The following AKAP13 variants were observed in gnomAD, a reference collection of about 807,000 sequenced individuals.
AKAP13 encodes A-kinase anchor protein 13.
AKAP13 carries 80 observed loss-of-function variants against 264.5 expected under a neutral mutation model. The observed-to-expected ratio is 0.30, with a 90% confidence interval of 0.25 to 0.36. AKAP13 has a LOEUF of 0.36. AKAP13 is among the 10% of genes least tolerant of loss of function. The pLI is 1.00. For missense variants in AKAP13, 3,712 were observed against 3,435.2 expected (o/e 1.08, Z -2.01); for synonymous variants, 1,380 against 1,250.2 (o/e 1.10, Z -2.19).
At chr15:85,646,364 T>A (rs1011036721) in intron 10 of AKAP13, among the ~76,000 whole-genome samples, 3 of 151,782 alleles carry the variant, frequency 2.0e-5, no homozygotes, top group Non-Finnish European at 1.5e-5. Flanking sequence ...GAGGTGGAGG[T>A]TGCAGTGAGT....
chr15:85,425,988 C>A (rs950282826), intron 1 of AKAP13, among the ~76,000 whole-genome samples: 12 of 151,842 alleles, frequency 7.9e-5, no homozygotes, highest in Non-Finnish European at 2.9e-5. Context: ...AAAGTAATGC[C>A]TTTCTAATGC....
At chr15:85,585,947 C>T in intron 8 of AKAP13, 124 bp downstream of exon 8, 6 of 1,289,804 alleles carry the variant, frequency 4.7e-6, no homozygotes, top group Non-Finnish European at 3.2e-6. Flanking sequence ...CCCCTTCCCT[C>T]TTGTGCTGTT....
At chr15:85,518,040 A>G (rs7166642) in intron 2 of AKAP13, among the ~76,000 whole-genome samples, 79,542 of 152,028 alleles carry the variant, frequency 0.52, 21,262 homozygotes, top group Middle Eastern at 0.62. Flanking sequence ...AAGTTGATCT[A>G]TTTTATTTTA....
Position 85,707,994 on chromosome 15 carries a change from G to T in AKAP13, c.5465-25G>T, listed in dbSNP as rs1214258957. On this transcript the variant is annotated intron_variant, in intron 17 of 36. Transcript: ENST00000394518. Reference sequence around the variant, plus strand: ...TGGGATCTGTTTGCTTTGTCCATGTGACCTTGGGTTTGCTTTCTTTTCAGA... The same window carrying T: ...TGGGATCTGTTTGCTTTGTCCATGTTACCTTGGGTTTGCTTTCTTTTCAGA... 4 of 1,612,906 alleles carry T rather than the reference G, an allele frequency of 2.5e-6. No homozygotes were observed. In the South Asian group the frequency reaches 4.4e-5, roughly 18 times the overall value.
intron 1 of AKAP13, among the ~76,000 whole-genome samples, chr15:85,483,632 C>CAAAAAAAAAAAAAAA (rs35648447): frequency 3.4e-5 from 2 of 57,996 alleles, no homozygotes; most frequent in Non-Finnish European, 6.2e-5. Context: ...GACTCCGTCT[C>CAAAAAAAAAAAAAAA]AAAAAAAAAA....
At chr15:85,662,461 A>G (rs1350203895) in intron 12 of AKAP13, 6 of 1,614,052 alleles carry the variant, frequency 3.7e-6, no homozygotes, top group South Asian at 1.1e-5. Context: ...AAGGTATGAT[A>G]TTGTTATGTG....
intron 5 of AKAP13, among the ~76,000 whole-genome samples, chr15:85,568,416 G>A (rs369116344): frequency 1.3e-5 from 2 of 152,340 alleles, no homozygotes; most frequent in East Asian, 3.9e-4. Flanking sequence ...AAGATGGGTG[G>A]GTTTTGGATA....
chr15:85,694,345 A>C (rs2085452956), intron 17 of AKAP13, among the ~76,000 whole-genome samples: 1 of 152,200 alleles, frequency 6.6e-6, no homozygotes, highest in South Asian at 2.1e-4. Flanking sequence ...AGACCAGATA[A>C]AAAGTATCTT....
At chr15:85,637,595 A>AT (rs1414330572) in intron 8 of AKAP13, among the ~76,000 whole-genome samples, 1 of 151,764 alleles carries the variant, frequency 6.6e-6, no homozygotes, top group African/African-American at 2.4e-5. Context: ...GGTTTCATTG[A>AT]TTTTATTGTT....
rs115486094 is a variant in AKAP13 at position 85,581,702 on chromosome 15, G to A, written c.3634G>A (p.Val1212Met). 6.2e-7 allele frequency: 1 copy of A among 1,614,148 alleles called. No homozygotes were observed. Among genetic ancestry groups the A allele is most frequent in the Non-Finnish European group, 8.5e-7 (1 of 1,180,024 alleles). ...CCATGATGATGGGGCCCCAGCTGGT[G>A]TGAGGGAAGTCATGCGAGCCCCGCC... ...SAHDDGAPAGVREVMRAPPSG... is the reference protein window; with the variant it reads ...SAHDDGAPAGMREVMRAPPSG... The change falls in exon 7 of 37, where the codon GTG becomes ATG. Residue 1212 changes from valine to methionine, a missense_variant. By Grantham distance (21) the Val-to-Met change is conservative. Transcript: ENST00000394518.
At chr15:85,404,038 C>G (rs2071555081) in intron 1 of AKAP13, among the ~76,000 whole-genome samples, 1 of 151,978 alleles carries the variant, frequency 6.6e-6, no homozygotes, top group Admixed American at 6.5e-5. Context: ...GAGGAGTAAA[C>G]TTCATTGTGT....
intron 8 of AKAP13, among the ~76,000 whole-genome samples, chr15:85,627,129 T>C (rs2081445326): frequency 6.6e-6 from 1 of 152,220 alleles, no homozygotes; most frequent in South Asian, 2.1e-4. Flanking sequence ...TTTTGCAAGC[T>C]CTGCCTTTGC....
chr15:85,526,178 G>A (rs1269667752), intron 3 of AKAP13, among the ~76,000 whole-genome samples: 1 of 151,986 alleles, frequency 6.6e-6, no homozygotes, highest in African/African-American at 2.4e-5. Context: ...GTTCTTTTGG[G>A]TTTAAAGAAA....
At chr15:85,572,089 C>T (rs1166930207) in intron 5 of AKAP13, among the ~76,000 whole-genome samples, 2 of 152,110 alleles carry the variant, frequency 1.3e-5, no homozygotes, top group Non-Finnish European at 2.9e-5. Context: ...GAATTAAATT[C>T]TCAAATTTAA....
At chr15:85,617,307 G>T (rs181927239) in intron 8 of AKAP13, among the ~76,000 whole-genome samples, 4 of 152,162 alleles carry the variant, frequency 2.6e-5, no homozygotes, top group Admixed American at 6.5e-5. Context: ...GCAGTGGCGC[G>T]ATCTTGGCTC....
intron 1 of AKAP13, among the ~76,000 whole-genome samples, chr15:85,395,257 G>A (rs1357341099): frequency 6.6e-6 from 1 of 152,128 alleles, no homozygotes; most frequent in African/African-American, 2.4e-5. Context: ...TTTTAATGGG[G>A]CTGTATAAGA....
chr15:85,733,873 C>CTTTTTTTTTTTTTTTTTTT (rs72092500), intron 30 of AKAP13, among the ~76,000 whole-genome samples: 58 of 82,586 alleles, frequency 7.0e-4, no homozygotes, highest in African/African-American at 1.4e-3. Context: ...TCTTTCTTTT[C>CTTTTTTTTTTTTTTTTTTT]TTTTTTTTTT....
In AKAP13 at chr15:85,542,181, C is replaced by T. The variant is rs138657865; in HGVS notation, c.479-1591C>T. ...GGATTCTATTTGTCCTTTTGTCTGG[C>T]CTTGCCATCTGCGCAGAGGTGTTGA... On this transcript the variant is annotated intron_variant, in intron 4 of 36. Coordinates refer to ENST00000394518, the MANE Select transcript of AKAP13 (RefSeq NM_007200.5). Among the ~76,000 whole-genome samples the T allele has an allele frequency of 3.9e-5, 6 of 152,314 alleles. No homozygotes were observed. In the East Asian group the frequency reaches 1.2e-3, roughly 29 times the overall value.
At chr15:85,488,515 T>C (rs1354054950) in intron 2 of AKAP13, among the ~76,000 whole-genome samples, 1 of 152,230 alleles carries the variant, frequency 6.6e-6, no homozygotes, top group Non-Finnish European at 1.5e-5. Context: ...AACCTGTGAA[T>C]ATTTACCTTA....
Sources: allele counts gnomAD v4.1 joint callset (sites outside exome capture counted in the v4.1 genomes callset), GRCh38; gene constraint gnomAD v4.1.1; transcripts MANE v1.5; gene names NCBI Gene and HGNC (gene_info 2026-07-23, HGNC 2026-07-21).